The following MSN variants were observed in gnomAD, a reference collection of about 807,000 sequenced individuals.
MSN encodes the protein epididymis luminal protein 70.
In MSN, 2 loss-of-function variants were observed where a neutral mutation model predicts 48.0. The ratio of observed to expected loss-of-function variants is 0.04; its 90% confidence interval spans 0.02 to 0.13. MSN has a LOEUF of 0.13. Ranked by LOEUF, MSN falls within the 10% of genes least tolerant of loss-of-function variation. MSN has a pLI of 1.00. For missense variants in MSN, 267 were observed against 470.1 expected, an observed-to-expected ratio of 0.57 and a Z score of 3.99; for synonymous variants, 146 against 166.9, an observed-to-expected ratio of 0.87 and a Z score of 0.97.
chrX:65,622,785 A>G (rs2070463911), intron 1 of MSN, among the ~76,000 whole-genome samples: 1 of 111,466 alleles, frequency 9.0e-6, no homozygotes, highest in Admixed American at 9.6e-5. Context: ...TGCTGGGATT[A>G]TAGGTGTGAG....
At chrX:65,734,656 A>G (rs1213505622) in intron 7 of MSN, among the ~76,000 whole-genome samples, 1 of 112,183 alleles carries the variant, frequency 8.9e-6, no homozygotes, top group Non-Finnish European at 1.9e-5. Context: ...AACTATTATC[A>G]GAAAAAGTTA....
intron 10 of MSN, 26 bp from the exon 11 acceptor site, chrX:65,738,499 C>T (rs2071702303): frequency 8.4e-7 from 1 of 1,185,535 alleles, no homozygotes; most frequent in Non-Finnish European, 1.1e-6. Flanking sequence ...AGGCCCAGCT[C>T]TCACAGGCTT....
chrX:65,601,949 C>T (rs757422980), intron 1 of MSN, among the ~76,000 whole-genome samples: 2 of 111,613 alleles, frequency 1.8e-5, no homozygotes, highest in Non-Finnish European at 3.8e-5. Context: ...GAGGGAAGGC[C>T]AGCTTTACCC....
At chrX:65,626,468 C>T (rs1015825142) in intron 1 of MSN, among the ~76,000 whole-genome samples, 1 of 111,482 alleles carries the variant, frequency 9.0e-6, no homozygotes, top group Non-Finnish European at 1.9e-5. Flanking sequence ...CTGTTGTAGT[C>T]TGTATGTTTA....
intron 1 of MSN, among the ~76,000 whole-genome samples, chrX:65,658,825 TTTTTTC>T (rs774329982): frequency 9.9e-5 from 11 of 111,643 alleles, no homozygotes; most frequent in Non-Finnish European, 1.9e-4. Context: ...TTTCTTTTGT[TTTTTTC>T]TTTTTCTTTT....
chrX:65,731,159 G>A lies in MSN; in HGVS notation c.520G>A (p.Val174Met). The A allele has an allele frequency of 8.3e-7, 1 of 1,207,915 alleles. No individual in the cohort carries two copies. Among genetic ancestry groups the A allele is most frequent in the Non-Finnish European group, 1.1e-6 (1 of 893,724 alleles). ...NKDQWEERIQ[V>M]WHEEHRGMLR... ...GGACCAGTGGGAGGAGCGGATCCAG[G>A]TGTGGCATGAGGAACACCGTGGCAT... is the stretch of plus-strand genomic sequence containing the variant. The change falls in exon 5 of 13, where the codon GTG (valine) becomes ATG (methionine). Residue 174 changes from valine to methionine, a missense_variant. Around this residue, in one of 5 missense-constraint regions of MSN, gnomAD observed 89 missense variants for 151.0 expected, o/e 0.59. Coordinates refer to ENST00000360270, the MANE Select transcript of MSN (RefSeq NM_002444.3).
chrX:65,727,735 C>T, intron 2 of MSN, 79 bp from the exon 3 acceptor site: 1 of 843,683 alleles, frequency 1.2e-6, no homozygotes, highest in Non-Finnish European at 1.7e-6. Flanking sequence ...ATAATATTGA[C>T]TTCAAACTTT....
At chrX:65,687,994 T>C (rs2071132488) in intron 1 of MSN, among the ~76,000 whole-genome samples, 1 of 112,024 alleles carries the variant, frequency 8.9e-6, no homozygotes, top group African/African-American at 3.2e-5. Context: ...TTTATAATTT[T>C]AGGGGATAGC....
chrX:65,718,860 G>A (rs1446951034), intron 2 of MSN, among the ~76,000 whole-genome samples: 1 of 108,097 alleles, frequency 9.3e-6, no homozygotes, highest in Non-Finnish European at 1.9e-5. Context: ...TCTAGAATTG[G>A]GAGAATTGGG....
chrX:65,629,072 A>T (rs1207823976), intron 1 of MSN, among the ~76,000 whole-genome samples: 2 of 108,665 alleles, frequency 1.8e-5, no homozygotes, highest in Non-Finnish European at 3.8e-5. Context: ...TCCATCTCAA[A>T]AAAAAAAAAA....
At chrX:65,696,889 CT>C (rs2071247996) in intron 1 of MSN, among the ~76,000 whole-genome samples, 3 of 110,646 alleles carry the variant, frequency 2.7e-5, no homozygotes, top group African/African-American at 9.9e-5. Context: ...TTATCTTATC[CT>C]TGCCACCAAG....
chrX:65,696,352 G>C (rs898395226), intron 1 of MSN, among the ~76,000 whole-genome samples: 1 of 111,383 alleles, frequency 9.0e-6, no homozygotes. Flanking sequence ...CAATGATGTG[G>C]GTTCTTTCTG....
At chrX:65,589,559 G>T (rs1215838176) in intron 1 of MSN, 3 of 112,492 alleles carry the variant, frequency 2.7e-5, no homozygotes, top group Non-Finnish European at 5.6e-5. Context: ...GTGGATCTCA[G>T]CCCCCTTTCT....
chrX:65,589,491 G>A (rs1289635682), intron 1 of MSN, among the ~76,000 whole-genome samples: 7 of 112,212 alleles, frequency 6.2e-5, no homozygotes, highest in Non-Finnish European at 1.1e-4. Context: ...CCTGAAGACC[G>A]AGGAGGAAAA....
chrX:65,739,628 G>A, intron 12 of MSN, 101 bp from the exon 13 acceptor site: 2 of 949,513 alleles, frequency 2.1e-6, no homozygotes, highest in Non-Finnish European at 1.4e-6. Flanking sequence ...GAAAGGGTGA[G>A]GAAGAAAGAA....
At chrX:65,644,450 A>G (rs1239315852) in intron 1 of MSN, among the ~76,000 whole-genome samples, 1 of 111,771 alleles carries the variant, frequency 8.9e-6, no homozygotes, top group African/African-American at 3.3e-5. Context: ...TTAGCACATC[A>G]TTATGCCCAG....
chrX:65,717,266 G>T (rs2071475578), intron 2 of MSN, among the ~76,000 whole-genome samples: 1 of 111,831 alleles, frequency 8.9e-6, no homozygotes, highest in African/African-American at 3.3e-5. Context: ...TAACTTAATT[G>T]CACCCAAATG....
intron 1 of MSN, among the ~76,000 whole-genome samples, chrX:65,598,357 GAGAGAGAAACAGA>G (rs1169795845): frequency 9.1e-6 from 1 of 109,571 alleles, no homozygotes; most frequent in Non-Finnish European, 1.9e-5. Flanking sequence ...AAGAAACACA[GAGAGAGAAACAGA>G]AGAGAGAAAG....
At chrX:65,605,607 C>T (rs1049637823) in intron 1 of MSN, among the ~76,000 whole-genome samples, 2 of 111,992 alleles carry the variant, frequency 1.8e-5, no homozygotes, top group Non-Finnish European at 3.8e-5. Flanking sequence ...GACCACAAGC[C>T]AAATTTTTTG....
Sources: allele counts gnomAD v4.1 joint callset (sites outside exome capture counted in the v4.1 genomes callset), GRCh38; gene constraint gnomAD v4.1.1; regional missense constraint gnomAD v4.1.1; transcripts MANE v1.5; gene names NCBI Gene and HGNC (gene_info 2026-07-23, HGNC 2026-07-21).